The following CACNA2D3 variants were observed in gnomAD, a reference collection of about 807,000 sequenced individuals.
The protein encoded by CACNA2D3 is calcium voltage-gated channel auxiliary subunit alpha2delta 3, also known as voltage-dependent calcium channel subunit alpha-2/delta-3.
A neutral mutation model predicts 160.6 loss-of-function variants in CACNA2D3; 60 were observed. The ratio of observed to expected loss-of-function variants is 0.37; its 90% CI spans 0.30 to 0.46. The LOEUF (loss-of-function observed/expected upper bound fraction) is 0.46. CACNA2D3 is among the 20% of genes least tolerant of loss of function. CACNA2D3 has a pLI of 1.00. For synonymous variants in CACNA2D3, 558 were observed against 492.9 expected (o/e 1.13, Z -1.75); for missense variants, 1,205 against 1,365.0 (o/e 0.88, Z 1.85).
At chr3:54,805,898 A>G (rs1703108996) in intron 13 of CACNA2D3, among the ~76,000 whole-genome samples, 1 of 152,184 alleles carries the variant, frequency 6.6e-6, no homozygotes, top group Non-Finnish European at 1.5e-5. Context: ...CTGGTTCAAT[A>G]TATGCAAATC....
At chr3:54,709,955 C>G (rs1700925932) in intron 11 of CACNA2D3, among the ~76,000 whole-genome samples, 2 of 152,164 alleles carry the variant, frequency 1.3e-5, no homozygotes, top group African/African-American at 4.8e-5. Context: ...TCGCCTACCA[C>G]CTGGTAGAGG....
intron 13 of CACNA2D3, among the ~76,000 whole-genome samples, chr3:54,804,424 G>C (rs1198956155): frequency 6.6e-6 from 1 of 152,120 alleles, no homozygotes; most frequent in Non-Finnish European, 1.5e-5. Flanking sequence ...TGACAAAACA[G>C]ACTTTAAACC....
intron 9 of CACNA2D3, among the ~76,000 whole-genome samples, chr3:54,608,843 A>T (rs1405629536): frequency 6.6e-6 from 1 of 152,220 alleles, no homozygotes; most frequent in East Asian, 1.9e-4. Context: ...CTTGCAGGGG[A>T]TAGAGGCTAA....
At chr3:54,407,911 TTATAACATCTAGGTGATTTC>T (rs1258272758) in intron 4 of CACNA2D3, among the ~76,000 whole-genome samples, 1 of 152,162 alleles carries the variant, frequency 6.6e-6, no homozygotes, top group Non-Finnish European at 1.5e-5. Context: ...AAGGATGCAC[TTATAACATCTAGGTGATTTC>T]TAAGATCTCA....
intron 4 of CACNA2D3, among the ~76,000 whole-genome samples, chr3:54,424,686 T>G (rs896441323): frequency 6.6e-6 from 1 of 152,268 alleles, no homozygotes; most frequent in South Asian, 2.1e-4. Context: ...CAACACCTGG[T>G]CTACTGTGGT....
At chr3:54,960,400 C>A (rs990821803) in intron 27 of CACNA2D3, among the ~76,000 whole-genome samples, 1 of 152,174 alleles carries the variant, frequency 6.6e-6, no homozygotes, top group Non-Finnish European at 1.5e-5. Flanking sequence ...TTAGGGGTTA[C>A]ATTTAAAATA....
At chr3:54,962,651 T>G (rs1294943178) in intron 27 of CACNA2D3, among the ~76,000 whole-genome samples, 2 of 152,210 alleles carry the variant, frequency 1.3e-5, no homozygotes, top group Admixed American at 6.5e-5. Context: ...GCAGTGGTCT[T>G]AAAACGGGTT....
At chr3:54,356,575 C>T (rs1698652907) in intron 3 of CACNA2D3, among the ~76,000 whole-genome samples, 1 of 152,076 alleles carries the variant, frequency 6.6e-6, no homozygotes, top group Non-Finnish European at 1.5e-5. Flanking sequence ...TGGGCTGGCT[C>T]ACAGATGCTG....
intron 11 of CACNA2D3, among the ~76,000 whole-genome samples, chr3:54,742,146 C>T (rs538869394): frequency 5.6e-4 from 85 of 152,216 alleles, no homozygotes; most frequent in Non-Finnish European, 9.3e-4. Flanking sequence ...GGGCTGGGTG[C>T]GGTGGCTCAT....
intron 5 of CACNA2D3, among the ~76,000 whole-genome samples, chr3:54,532,088 C>G (rs1701814808): frequency 6.6e-6 from 1 of 152,102 alleles, no homozygotes; most frequent in African/African-American, 2.4e-5. Flanking sequence ...TGCCCATTTT[C>G]TTTTTTTGTT....
chr3:54,404,464 G>T (rs576029577), intron 4 of CACNA2D3, among the ~76,000 whole-genome samples: 1 of 152,090 alleles, frequency 6.6e-6, no homozygotes. Context: ...AACAGTTTAG[G>T]TATAGATGGA....
chr3:54,803,211 A>G (rs1703036213), intron 13 of CACNA2D3, among the ~76,000 whole-genome samples: 2 of 152,250 alleles, frequency 1.3e-5, no homozygotes, highest in Non-Finnish European at 2.9e-5. Flanking sequence ...CTGGACGGAG[A>G]ATGACTTTGA....
chr3:54,388,085 C>T (rs762875019), intron 4 of CACNA2D3, among the ~76,000 whole-genome samples: 5 of 152,092 alleles, frequency 3.3e-5, no homozygotes, highest in East Asian at 3.9e-4. Context: ...AATGTATACT[C>T]GGGGTTAAGT....
chr3:54,441,540 T>C (rs1307093107), intron 4 of CACNA2D3, among the ~76,000 whole-genome samples: 1 of 152,210 alleles, frequency 6.6e-6, no homozygotes, highest in African/African-American at 2.4e-5. Context: ...CTTTTGGTGT[T>C]TTAGACATGA....
intron 2 of CACNA2D3, among the ~76,000 whole-genome samples, chr3:54,311,493 C>T (rs1053658924): frequency 3.9e-5 from 6 of 152,178 alleles, no homozygotes; most frequent in Admixed American, 1.3e-4. Flanking sequence ...TTTTACATCC[C>T]GTGATCCTCT....
At chr3:54,458,203 G>A (rs950495694) in intron 4 of CACNA2D3, among the ~76,000 whole-genome samples, 1 of 152,026 alleles carries the variant, frequency 6.6e-6, no homozygotes, top group African/African-American at 2.4e-5. Flanking sequence ...GTAGTTTTCT[G>A]TAGTGATAAT....
chr3:55,030,970 T>C (rs1368943513), intron 35 of CACNA2D3, among the ~76,000 whole-genome samples: 1 of 152,158 alleles, frequency 6.6e-6, no homozygotes, highest in Admixed American at 6.6e-5. Flanking sequence ...TGAATTAGTC[T>C]CACAATTTCC....
chr3:54,226,505 G>A (rs969081490), intron 2 of CACNA2D3, among the ~76,000 whole-genome samples: 1 of 151,882 alleles, frequency 6.6e-6, no homozygotes, highest in African/African-American at 2.4e-5. Flanking sequence ...GTCTTGATAT[G>A]TTGCCCAGGC....
At chr3:54,720,144 T>A (rs545723061) in intron 11 of CACNA2D3, among the ~76,000 whole-genome samples, 2 of 152,120 alleles carry the variant, frequency 1.3e-5, no homozygotes, top group East Asian at 3.9e-4. Flanking sequence ...ATTCTTATTT[T>A]TTATTTCCTT....
Sources: allele counts gnomAD v4.1 joint callset (sites outside exome capture counted in the v4.1 genomes callset), GRCh38; gene constraint gnomAD v4.1.1; transcripts MANE v1.5; gene names NCBI Gene and HGNC (gene_info 2026-07-23, HGNC 2026-07-21).